COTL1: variants seen among roughly 807,000 people sequenced by gnomAD.
COTL1 encodes the protein coactosin-like protein.
A neutral mutation model predicts 16.5 loss-of-function variants in COTL1; 15 were observed. The observed-to-expected ratio is 0.91, with a 90% CI of 0.61 to 1.40. COTL1 has a LOEUF of 1.40. COTL1 is among the 40% of genes most tolerant of loss of function. The pLI is 0.00. For missense variants in COTL1, 220 were observed against 201.5 expected (o/e 1.09, Z -0.56); for synonymous variants, 112 against 85.3 (o/e 1.31, Z -1.73).
At chr16:84,613,718 A>T (rs886642527) in intron 2 of COTL1, among the ~76,000 whole-genome samples, 3 of 152,322 alleles carry the variant, frequency 2.0e-5, no homozygotes, top group African/African-American at 7.2e-5. Flanking sequence ...TATGAAGAGG[A>T]AAGCAGAGAT....
At chr16:84,578,097 G>A (rs1180027973) in intron 3 of COTL1, among the ~76,000 whole-genome samples, 12 of 152,032 alleles carry the variant, frequency 7.9e-5, no homozygotes, top group Admixed American at 5.2e-4. Flanking sequence ...TTTCCCCACC[G>A]AGTCCAGGCT....
rs1033838667 is a variant in COTL1, at chr16:84,583,851, T to C, written c.318+6254A>G. ...CCATCCTTCCCACCTCCACTTCTCC[T>C]TGGAGGCAGCAGCCTCTGTTGTCCT... is the stretch of plus-strand genomic sequence containing the variant. On this transcript the variant is annotated intron_variant, in intron 3 of 3. Coordinates refer to ENST00000262428, the MANE Select transcript of COTL1 (RefSeq NM_021149.5). Among the ~76,000 whole-genome samples, 6 of 152,124 alleles carry C rather than the reference T, an allele frequency of 3.9e-5. No individual in the cohort carries two copies. In the South Asian group the frequency reaches 1.0e-3, roughly 26 times the overall value.
intron 2 of COTL1, among the ~76,000 whole-genome samples, chr16:84,615,223 T>C (rs1905441216): frequency 6.6e-6 from 1 of 152,222 alleles, no homozygotes. Flanking sequence ...AAGAAAGCAC[T>C]GCAGCTGAAG....
intron 3 of COTL1, 129 bp downstream of exon 3, chr16:84,589,976 G>C: frequency 1.2e-6 from 1 of 860,724 alleles, no homozygotes. Context: ...CTGGTGCAGA[G>C]ACATAGCATG....
intron 3 of COTL1, chr16:84,576,066 C>T (rs1422177881): frequency 2.0e-5 from 3 of 152,180 alleles, no homozygotes; most frequent in Non-Finnish European, 4.4e-5. Flanking sequence ...TCTTCTCATT[C>T]CTAACGTTTA....
rs77468586 is a variant in COTL1 at position 84,583,209 on chromosome 16, C to T, written c.318+6896G>A. On this transcript the variant is annotated intron_variant, in intron 3 of 3. Transcript: ENST00000262428. Reference sequence around the variant, plus strand: ...CCCGGACCTTGAGCAAGTTACTCAGCTTCTTCGGATCCCAAGCTCCTCATC... The same window carrying T: ...CCCGGACCTTGAGCAAGTTACTCAGTTTCTTCGGATCCCAAGCTCCTCATC... 4.6e-5 allele frequency among the ~76,000 whole-genome samples: 7 copies of T among 152,316 alleles called. No homozygotes were observed. In the East Asian group the frequency reaches 1.4e-3, roughly 29 times the overall value.
rs374319700 is a variant in COTL1, at chr16:84,590,176, C to T, written c.247G>A (p.Gly83Ser). The stretch of plus-strand genomic sequence containing the variant: ...CGCTGCAGCCCGCTGACGTTCTCAC[C>T]GATCCACGTGATGAGGGCAAACTTG... ...RSKFALITWI[G>S]ENVSGLQRAK... The change falls in exon 3 of 4, where the codon GGT becomes AGT. Residue 83 changes from glycine (G) to serine (S), a missense_variant. Physicochemically the swap from Gly to Ser is moderately conservative, Grantham distance 56. Transcript: ENST00000262428. The surrounding 1 kb of genome is among the most constrained non-coding windows in gnomAD (Gnocchi z 5.5). 9.3e-6 allele frequency: 15 copies of T among 1,614,214 alleles called. No individual in the cohort carries two copies. The highest frequency in any genetic ancestry group is 1.2e-5 in the Non-Finnish European group (14 of 1,180,038).
chr16:84,614,200 T>C (rs1254883064), intron 2 of COTL1, among the ~76,000 whole-genome samples: 6 of 152,334 alleles, frequency 3.9e-5, no homozygotes, highest in African/African-American at 1.2e-4. Flanking sequence ...GCAAGGTCTC[T>C]GACCATCCCA....
intron 3 of COTL1, chr16:84,576,970 A>G (rs760695045): frequency 6.6e-6 from 1 of 152,254 alleles, no homozygotes; most frequent in Non-Finnish European, 1.5e-5. Flanking sequence ...ATGATGACCA[A>G]TAAACCAAAG....
At chr16:84,569,900 G>T (rs1288062258) in intron 3 of COTL1, among the ~76,000 whole-genome samples, 1 of 152,232 alleles carries the variant, frequency 6.6e-6, no homozygotes, top group Non-Finnish European at 1.5e-5. Context: ...CCTCTGCTTT[G>T]TGATAGCTAT....
chr16:84,573,740 C>CAAA lies in COTL1; in HGVS notation c.319-6788_319-6786dup, dbSNP rs72401655. ...GGGTGACAAGAGCGAAACTCTGTCT[C>CAAA]AAAAAAAAAAAAATATATATATATA... On this transcript the variant is annotated intron_variant, in intron 3 of 3. Coordinates refer to ENST00000262428, the MANE Select transcript of COTL1 (RefSeq NM_021149.5). Among the ~76,000 whole-genome samples the CAAA allele has an allele frequency of 5.9e-4, 61 of 104,168 alleles. No individual in the cohort carries two copies. In the Middle Eastern group the frequency reaches 0.027, roughly 46 times the overall value. The allele number at this position is 104,168 out of a possible 152,430, so 68.3% of individuals were successfully genotyped here. A position where few individuals can be genotyped will look rare whatever the true frequency, so the allele number is the denominator to read the frequency against.
chr16:84,580,062 G>C (rs1047981795), intron 3 of COTL1, among the ~76,000 whole-genome samples: 7 of 152,240 alleles, frequency 4.6e-5, no homozygotes, highest in African/African-American at 7.2e-5. Context: ...CTGCTGGCAG[G>C]TGCCTGGGGC....
chr16:84,603,017 G>A (rs1013706910), intron 2 of COTL1, among the ~76,000 whole-genome samples: 4 of 152,092 alleles, frequency 2.6e-5, no homozygotes, highest in African/African-American at 7.2e-5. Context: ...AAACCTCAGC[G>A]GCATGAGAGC....
At chr16:84,582,891 G>A (rs1390234024) in intron 3 of COTL1, among the ~76,000 whole-genome samples, 7 of 152,156 alleles carry the variant, frequency 4.6e-5, no homozygotes, top group Admixed American at 3.3e-4. Flanking sequence ...CCTACACGCC[G>A]TAACTTTCTC....
At chr16:84,585,370 A>AG (rs397811643) in intron 3 of COTL1, among the ~76,000 whole-genome samples, 2 of 150,856 alleles carry the variant, frequency 1.3e-5, no homozygotes, top group Admixed American at 6.6e-5. Flanking sequence ...AAAAAAAAAA[A>AG]TCGCCCCCCT....
At position 84,566,871 on chromosome 16, in the gene COTL1, C is replaced by T. The variant is rs777439901; in HGVS notation, c.403G>A (p.Ala135Thr). The change falls in exon 4 of 4, where the codon GCC becomes ACC. Residue 135 changes from alanine to threonine, a missense_variant. Coordinates refer to ENST00000262428, the MANE Select transcript of COTL1 (RefSeq NM_021149.5). ...TACTCCGTCTGGGCGTCGTAATTGG[C>T]TCCCCCCGCCTTCTTCAGCTCGCTC... ...IKSELKKAGG[A>T]NYDAQTE The T allele has an allele frequency of 6.2e-6, 10 of 1,613,136 alleles. No individual in the cohort carries two copies. In the Admixed American group the frequency reaches 8.3e-5, roughly 13 times the overall value.
chr16:84,566,965 C>G lies in COTL1; in HGVS notation c.319-10G>C. 1.3e-6 allele frequency: 2 copies of G among 1,589,640 alleles called. No homozygotes were observed. The highest frequency in any genetic ancestry group is 1.7e-6 in the Non-Finnish European group (2 of 1,157,838). ...ACTCCTTAGCGAAATTCTGCAAGAA[C>G]AAAGGAAAACACAGCGTTCCTATTA... On this transcript the variant is annotated splice_polypyrimidine_tract_variant and intron_variant, in intron 3 of 3. Transcript: ENST00000262428.
intron 3 of COTL1, among the ~76,000 whole-genome samples, chr16:84,579,945 G>C (rs950838501): frequency 5.3e-5 from 8 of 152,228 alleles, no homozygotes; most frequent in Non-Finnish European, 1.0e-4. Flanking sequence ...CATTTCTTCA[G>C]GTTAAGACCT....
At chr16:84,583,478 G>C (rs1904647797) in intron 3 of COTL1, among the ~76,000 whole-genome samples, 1 of 152,232 alleles carries the variant, frequency 6.6e-6, no homozygotes, top group Middle Eastern at 3.4e-3. Flanking sequence ...TTATTTTTGA[G>C]ACAGGGTTTT....
Sources: allele counts gnomAD v4.1 joint callset (sites outside exome capture counted in the v4.1 genomes callset), GRCh38; gene constraint gnomAD v4.1.1; non-coding constraint Gnocchi (gnomAD v3.1); transcripts MANE v1.5; gene names NCBI Gene and HGNC (gene_info 2026-07-23, HGNC 2026-07-21).